Variants in PDE1A observed in about 807,000 individuals in gnomAD.
PDE1A encodes the protein phosphodiesterase 1A.
Under a neutral mutation model 61.7 loss-of-function variants are expected in PDE1A, and 35 were observed. The observed-to-expected ratio is 0.57, with a 90% confidence interval of 0.43 to 0.75. The LOEUF is 0.75. PDE1A is among the 30% of genes least tolerant of loss of function. The probability of loss-of-function intolerance (pLI) is 0.00; values close to 1 mark genes in which losing one functional copy is unlikely to be tolerated. For synonymous variants in PDE1A, 232 were observed against 213.2 expected (o/e 1.09, Z -0.77); for missense variants, 597 against 630.6 (o/e 0.95, Z 0.57).
chr2:182,179,699 C>T (rs768382082), intron 13 of PDE1A, among the ~76,000 whole-genome samples: 5 of 152,114 alleles, frequency 3.3e-5, no homozygotes, highest in Non-Finnish European at 5.9e-5. Context: ...CTCCCTCTTG[C>T]GCTCTGTCTC....
At chr2:182,351,573 G>A (rs973107414) in intron 1 of PDE1A, among the ~76,000 whole-genome samples, 10 of 152,164 alleles carry the variant, frequency 6.6e-5, no homozygotes, top group Admixed American at 6.5e-4. Context: ...TGATATCAGA[G>A]AATGTCATTT....
At chr2:182,329,416 T>C (rs549970242) in intron 1 of PDE1A, among the ~76,000 whole-genome samples, 2 of 151,978 alleles carry the variant, frequency 1.3e-5, no homozygotes, top group Admixed American at 6.6e-5. Context: ...GGAGATGGAG[T>C]TTCACTCTAG....
intron 2 of PDE1A, among the ~76,000 whole-genome samples, chr2:182,461,993 T>C (rs1414505881): frequency 1.3e-5 from 2 of 152,290 alleles, no homozygotes; most frequent in African/African-American, 4.8e-5. Context: ...TCCAGCGAGA[T>C]AGACAATGCT....
intron 1 of PDE1A, among the ~76,000 whole-genome samples, chr2:182,308,758 A>G (rs1349146270): frequency 1.3e-5 from 2 of 152,176 alleles, no homozygotes; most frequent in East Asian, 3.9e-4. Flanking sequence ...AACAATCCAA[A>G]TACTTTTTTA....
At chr2:182,548,918 A>G in the PDE1A span, among the ~76,000 whole-genome samples, 1 of 152,238 alleles carries the variant, frequency 6.6e-6, no homozygotes, top group Non-Finnish European at 1.5e-5. Context: ...TATTTTTGAT[A>G]ATCACAATTT....
At chr2:182,156,996 A>T (rs977914784) in intron 13 of PDE1A, among the ~76,000 whole-genome samples, 1 of 146,812 alleles carries the variant, frequency 6.8e-6, no homozygotes, top group East Asian at 1.9e-4. Flanking sequence ...TATTATTATT[A>T]TTATTTTATT....
intron 1 of PDE1A, among the ~76,000 whole-genome samples, chr2:182,367,079 A>G (rs994977010): frequency 1.3e-5 from 2 of 152,062 alleles, no homozygotes; most frequent in African/African-American, 4.8e-5. Context: ...AGGCAAAAAT[A>G]TAGTCTGCTT....
At chr2:182,157,304 T>C (rs929572638) in intron 13 of PDE1A, among the ~76,000 whole-genome samples, 1 of 152,146 alleles carries the variant, frequency 6.6e-6, no homozygotes, top group Non-Finnish European at 1.5e-5. Flanking sequence ...TGTGAGCCAC[T>C]GTGACCAGCC....
chr2:182,498,976 G>GT (rs199808804), intron 2 of PDE1A, among the ~76,000 whole-genome samples: 1,671 of 151,170 alleles, frequency 0.011, 33 homozygotes, highest in African/African-American at 0.038. Flanking sequence ...CCCTACTAAG[G>GT]TTTTTTTGGT....
chr2:182,157,443 C>T (rs1180650538), intron 13 of PDE1A, among the ~76,000 whole-genome samples: 1 of 152,136 alleles, frequency 6.6e-6, no homozygotes, highest in South Asian at 2.1e-4. Flanking sequence ...CTGTTTCTAA[C>T]CTAGAGACTG....
chr2:182,388,704 C>CA (rs900647889), intron 1 of PDE1A, among the ~76,000 whole-genome samples: 13 of 151,564 alleles, frequency 8.6e-5, no homozygotes, highest in Non-Finnish European at 1.8e-4. Context: ...ATACCCACAT[C>CA]AAAAAAAGAA....
the PDE1A span, among the ~76,000 whole-genome samples, chr2:182,637,698 G>A: frequency 6.6e-6 from 1 of 152,052 alleles, no homozygotes; most frequent in African/African-American, 2.4e-5. Context: ...GAGGTGGGCG[G>A]ATCACTTGAG....
intron 1 of PDE1A, among the ~76,000 whole-genome samples, chr2:182,307,473 G>C (rs1387493167): frequency 6.6e-6 from 1 of 152,048 alleles, no homozygotes; most frequent in Non-Finnish European, 1.5e-5. Flanking sequence ...ACCGATCCCA[G>C]CCTCTTGATT....
At chr2:182,576,461 T>A in the PDE1A span, among the ~76,000 whole-genome samples, 2 of 152,240 alleles carry the variant, frequency 1.3e-5, no homozygotes, top group South Asian at 4.1e-4. Flanking sequence ...TATCCATTCA[T>A]CTACCAACGA....
chr2:182,450,908 A>G (rs1685467657), intron 2 of PDE1A, among the ~76,000 whole-genome samples: 1 of 152,144 alleles, frequency 6.6e-6, no homozygotes, highest in South Asian at 2.1e-4. Flanking sequence ...AGAATATCAA[A>G]GTACGTGAAT....
At chr2:182,524,196 C>T (rs1252567732), upstream of PDE1A, among the ~76,000 whole-genome samples, 1 of 152,164 alleles carries the variant, frequency 6.6e-6, no homozygotes, top group Non-Finnish European at 1.5e-5. Flanking sequence ...TAAACTGTTA[C>T]CTGATATTTC....
At chr2:182,700,653 C>T in the PDE1A span, among the ~76,000 whole-genome samples, 262 of 133,744 alleles carry the variant, frequency 2.0e-3, no homozygotes, top group African/African-American at 7.5e-3. Context: ...ATGCGGGAGG[C>T]AGAGGTTGCA....
chr2:182,402,041 T>G (rs1702029468), intron 1 of PDE1A, among the ~76,000 whole-genome samples: 1 of 151,928 alleles, frequency 6.6e-6, no homozygotes, highest in Admixed American at 6.6e-5. Flanking sequence ...AACAAATGGA[T>G]AAACATTCCA....
chr2:182,593,207 C>T, the PDE1A span, among the ~76,000 whole-genome samples: 2 of 152,176 alleles, frequency 1.3e-5, no homozygotes, highest in African/African-American at 2.4e-5. Context: ...ACTGTACTTG[C>T]AGTGTCATCC....
Sources: allele counts gnomAD v4.1 joint callset (sites outside exome capture counted in the v4.1 genomes callset), GRCh38; gene constraint gnomAD v4.1.1; transcripts MANE v1.5; gene names NCBI Gene and HGNC (gene_info 2026-07-23, HGNC 2026-07-21).